ARHGEF6: variants seen among roughly 807,000 people sequenced by gnomAD.
ARHGEF6 encodes Rac/Cdc42 guanine nucleotide exchange factor 6, also known as rho guanine nucleotide exchange factor 6.
A neutral mutation model predicts 70.3 loss-of-function variants in ARHGEF6; 9 were observed. That is an observed-to-expected ratio of 0.13 (90% CI 0.08 to 0.22). ARHGEF6 has a LOEUF of 0.22. Ranked by LOEUF, ARHGEF6 falls within the 10% of genes least tolerant of loss-of-function variation. ARHGEF6 has a pLI of 1.00. For synonymous variants in ARHGEF6, 201 were observed against 207.8 expected (o/e 0.97, Z 0.28); for missense variants, 470 against 563.0 (o/e 0.83, Z 1.67).
intron 19 of ARHGEF6, 137 bp downstream of exon 19, chrX:136,674,870 G>A (rs2076262217): frequency 1.1e-5 from 6 of 561,228 alleles, no homozygotes; most frequent in Non-Finnish European, 3.1e-6. Flanking sequence ...ATGCAGTCCT[G>A]CACCACTCCT....
At chrX:136,678,816 T>C (rs902526368) in intron 16 of ARHGEF6, among the ~76,000 whole-genome samples, 1 of 111,591 alleles carries the variant, frequency 9.0e-6, no homozygotes, top group Non-Finnish European at 1.9e-5. Context: ...TACTAATAAA[T>C]GAGCATCATT....
chrX:136,779,715 T>C (rs1882679859), intron 1 of ARHGEF6, among the ~76,000 whole-genome samples: 1 of 111,795 alleles, frequency 8.9e-6, no homozygotes, highest in Non-Finnish European at 1.9e-5. Flanking sequence ...TGGCAAGCCA[T>C]GTCTACTTAC....
At chrX:136,680,213 A>G (rs1274159213) in intron 15 of ARHGEF6, among the ~76,000 whole-genome samples, 1 of 112,750 alleles carries the variant, frequency 8.9e-6, no homozygotes. Context: ...TCACTCAGCA[A>G]GTACAGTAAA....
chrX:136,731,017 G>A (rs1171988404), intron 6 of ARHGEF6, among the ~76,000 whole-genome samples: 1 of 111,620 alleles, frequency 9.0e-6, no homozygotes. Flanking sequence ...TTATCTAAAA[G>A]CTAAAAGAAT....
chrX:136,759,123 G>A (rs143898947), intron 2 of ARHGEF6, among the ~76,000 whole-genome samples: 52 of 112,080 alleles, frequency 4.6e-4, no homozygotes, highest in African/African-American at 1.7e-3. Context: ...CAGTGTAAAC[G>A]CTTATTTCCA....
intron 3 of ARHGEF6, among the ~76,000 whole-genome samples, chrX:136,746,730 A>C (rs2077098627): frequency 9.0e-6 from 1 of 111,394 alleles, no homozygotes; most frequent in Admixed American, 9.5e-5. Flanking sequence ...CAACTCAGCG[A>C]CTAACTTTCT....
chrX:136,774,460 G>A (rs1230524966), intron 2 of ARHGEF6, among the ~76,000 whole-genome samples: 1 of 109,785 alleles, frequency 9.1e-6, no homozygotes, highest in African/African-American at 3.3e-5. Flanking sequence ...AGATCAGCCT[G>A]GCCAACATGG....
intron 18 of ARHGEF6, among the ~76,000 whole-genome samples, chrX:136,676,284 C>A (rs2076281182): frequency 8.9e-6 from 1 of 111,831 alleles, no homozygotes; most frequent in African/African-American, 3.3e-5. Flanking sequence ...TAGTCTATCT[C>A]CCTGCAGAAA....
intron 6 of ARHGEF6, among the ~76,000 whole-genome samples, chrX:136,727,529 C>T: frequency 1.1e-5 from 1 of 90,819 alleles, no homozygotes; most frequent in African/African-American, 4.0e-5. Flanking sequence ...CCCTCTCTCT[C>T]TCTCTTTCTT....
At chrX:136,703,544 C>T (rs765920027) in intron 9 of ARHGEF6, among the ~76,000 whole-genome samples, 2 of 111,992 alleles carry the variant, frequency 1.8e-5, no homozygotes, top group African/African-American at 6.5e-5. Flanking sequence ...TTTCCTGAGA[C>T]GGAGTTTCAC....
Position 136,680,791 on chromosome X carries a change from T to C in ARHGEF6, c.1644A>G (p.Arg548=). Residue 548 remains arginine (R), a synonymous_variant, in exon 15 of 22, where the codon AGA becomes AGG. Coordinates refer to ENST00000250617, the MANE Select transcript of ARHGEF6 (RefSeq NM_004840.3). The part of the protein sequence containing the change: ...EWLEQLNRLI[R]GPASCSSLSK... ...ATAATGAACTGCAAGAGGCAGGTCC[T>C]CTGATCAGTCTGTTCAGCTGCTCCA... 8.3e-7 allele frequency: 1 copy of C among 1,211,170 alleles called. No homozygotes were observed. Among genetic ancestry groups the C allele is most frequent in the Non-Finnish European group, 1.1e-6 (1 of 894,743 alleles).
intron 2 of ARHGEF6, among the ~76,000 whole-genome samples, chrX:136,774,810 C>G (rs1165666461): frequency 9.2e-6 from 1 of 109,237 alleles, no homozygotes; most frequent in Non-Finnish European, 1.9e-5. Context: ...CCCATCACAC[C>G]TACCTCAAAA....
In ARHGEF6 at chrX:136,714,711, C is replaced by T. The variant is rs915342771; in HGVS notation, c.733-1341G>A. ...TCAAAACAAGTGGAGATCCTGGTAA[C>T]CGTGGGTTCTCTGGGAAACCACTGG... On this transcript the variant is annotated intron_variant, in intron 6 of 21. Coordinates refer to ENST00000250617, the MANE Select transcript of ARHGEF6 (RefSeq NM_004840.3). 5.4e-5 allele frequency among the ~76,000 whole-genome samples: 6 copies of T among 111,668 alleles called. No homozygotes were observed. The Admixed American group carries it at 5.7e-4, about 11-fold the overall frequency.
Position 136,780,779 on chromosome X carries a change from A to C in ARHGEF6, c.104T>G (p.Leu35Arg). The stretch of plus-strand genomic sequence containing the variant: ...TTTGCACAGAACTACCCCATTTTTC[A>C]GCGAGGACTTTAAAAACTCCTCCGG... ...CDPEEFLKSS[L>R]KNGVVLCKLI... Residue 35 changes from leucine to arginine, a missense_variant, in exon 1 of 22, where the codon CTG (leucine) becomes CGG (arginine). Transcript: ENST00000250617. 8.3e-7 allele frequency: 1 copy of C among 1,211,329 alleles called. No individual in the cohort carries two copies. The highest frequency in any genetic ancestry group is 1.1e-6 in the Non-Finnish European group (1 of 895,294).
chrX:136,725,014 G>A (rs1371403313), intron 6 of ARHGEF6, among the ~76,000 whole-genome samples: 1 of 111,865 alleles, frequency 8.9e-6, no homozygotes, highest in Non-Finnish European at 1.9e-5. Context: ...CATTGAAATA[G>A]CCTTAATATT....
At chrX:136,746,686 G>A (rs888802193) in intron 3 of ARHGEF6, among the ~76,000 whole-genome samples, 1 of 111,711 alleles carries the variant, frequency 9.0e-6, no homozygotes, top group Admixed American at 9.5e-5. Context: ...TGGGCATAAG[G>A]GCTCTGTAGT....
At chrX:136,750,415 T>C (rs760728198) in intron 2 of ARHGEF6, among the ~76,000 whole-genome samples, 1 of 112,319 alleles carries the variant, frequency 8.9e-6, no homozygotes, top group Non-Finnish European at 1.9e-5. Flanking sequence ...TAGTACCCTG[T>C]GCAAGCCTCA....
chrX:136,686,627 T>TATATATATAC (rs2076395952), intron 11 of ARHGEF6, among the ~76,000 whole-genome samples: 1 of 52,309 alleles, frequency 1.9e-5, no homozygotes, highest in Non-Finnish European at 3.1e-5. Context: ...TATATACACA[T>TATATATATAC]ATATATATAT....
intron 6 of ARHGEF6, among the ~76,000 whole-genome samples, chrX:136,731,790 AG>A (rs1433667714): frequency 8.9e-6 from 1 of 112,371 alleles, no homozygotes; most frequent in African/African-American, 3.2e-5. Context: ...ATATCTGGTA[AG>A]GGTATGTCTA....
Sources: allele counts gnomAD v4.1 joint callset (sites outside exome capture counted in the v4.1 genomes callset), GRCh38; gene constraint gnomAD v4.1.1; transcripts MANE v1.5; gene names NCBI Gene and HGNC (gene_info 2026-07-23, HGNC 2026-07-21).